DNTT: variants seen among roughly 807,000 people sequenced by gnomAD.
The protein encoded by DNTT is nucleosidetriphosphate:DNA deoxynucleotidylexotransferase.
DNTT carries 47 observed loss-of-function variants against 60.9 expected under a neutral mutation model. That is an observed-to-expected ratio of 0.77 (90% confidence interval 0.61 to 0.98). DNTT has a LOEUF of 0.98. Ranked by LOEUF, DNTT falls within the 50% of genes least tolerant of loss-of-function variation. The probability of loss-of-function intolerance (pLI) is 0.00; values close to 1 mark genes in which losing one functional copy is unlikely to be tolerated. For synonymous variants in DNTT, 224 were observed against 221.2 expected, an observed-to-expected ratio of 1.01 and a Z score of -0.11; for missense variants, 665 against 627.5, an observed-to-expected ratio of 1.06 and a Z score of -0.64.
intron 10 of DNTT, 95 bp downstream of exon 10, chr10:96,336,069 G>C: frequency 8.2e-7 from 1 of 1,220,654 alleles, no homozygotes; most frequent in Non-Finnish European, 1.2e-6. Context: ...ATCCAGGTAT[G>C]GTTTCCTTTG....
At position 96,319,319 on chromosome 10, in the gene DNTT, G is replaced by T; in HGVS notation, c.436G>T (p.Ala146Ser). The T allele has an allele frequency of 6.2e-7, 1 of 1,613,880 alleles. No homozygotes were observed. The highest frequency in any genetic ancestry group is 1.7e-5 in the Admixed American group (1 of 59,996). ...AGGCCCCCCGAAGACTCCACCAATT[G>T]CTGTACAAAAGATCTCCCAGTATGC... ...NPGPPKTPPI[A>S]VQKISQYACQ... is the part of the protein sequence containing the mutation. Residue 146 changes from alanine to serine, a missense_variant, in exon 3 of 11, where the codon GCT (alanine) becomes TCT (serine). Coordinates refer to ENST00000371174, the MANE Select transcript of DNTT (RefSeq NM_004088.4).
chr10:96,335,747 T>C (rs1363435211), intron 9 of DNTT, 144 bp from the exon 10 acceptor site: 1 of 859,550 alleles, frequency 1.2e-6, no homozygotes, highest in Non-Finnish European at 1.9e-6. Flanking sequence ...CGGACTTCTG[T>C]CACCAGAGAA....
At chr10:96,334,696 T>TAA (rs1341171312) in intron 9 of DNTT, among the ~76,000 whole-genome samples, 1 of 151,940 alleles carries the variant, frequency 6.6e-6, no homozygotes, top group Non-Finnish European at 1.5e-5. Context: ...TTTTCATTCC[T>TAA]AAAAAAAGGG....
rs1232223995 is a variant in DNTT at position 96,328,655 on chromosome 10, A to G, written c.1008-70A>G. 3.3e-6 allele frequency: 5 copies of G among 1,500,086 alleles called. No homozygotes were observed. The Admixed American group carries it at 5.6e-5, about 17-fold the overall frequency. The allele number at this position is 1,500,086 out of a possible 1,614,324, so 92.9% of individuals were successfully genotyped here. A position where few individuals can be genotyped will look rare whatever the true frequency, so the allele number is the denominator to read the frequency against. Reference sequence around the variant, plus strand: ...AATCTTAAGCATAGGGCATAGAAACAAAGGTGATTTTTTAAAAATGAAGAC... The same window carrying G: ...AATCTTAAGCATAGGGCATAGAAACGAAGGTGATTTTTTAAAAATGAAGAC... On this transcript the variant is annotated intron_variant, in intron 7 of 10. Transcript: ENST00000371174.
At position 96,307,357 on chromosome 10, in the gene DNTT, T is replaced by G. The variant is rs1298777134; in HGVS notation, c.203+2657T>G. Among the ~76,000 whole-genome samples, 234 of 131,860 alleles carry G rather than the reference T, an allele frequency of 1.8e-3. 4 individuals are homozygous for G. The highest frequency in any genetic ancestry group is 0.017 in the South Asian group (67 of 3,902). 86.5% of individuals were successfully genotyped at this position (131,860 alleles called of 152,430 possible). Reference sequence around the variant, plus strand: ...TGGGTTTTCCAGTTTTTTTTTTTTTTTTTTTTTTTTTTTTTTTGAGACGGA... The same window carrying G: ...TGGGTTTTCCAGTTTTTTTTTTTTTGTTTTTTTTTTTTTTTTTGAGACGGA... On this transcript the variant is annotated intron_variant, in intron 1 of 10. Transcript: ENST00000371174.
At chr10:96,314,894 A>T (rs1489809253) in intron 1 of DNTT, among the ~76,000 whole-genome samples, 2 of 152,160 alleles carry the variant, frequency 1.3e-5, no homozygotes, top group Non-Finnish European at 2.9e-5. Flanking sequence ...CAGCAAATAG[A>T]CAAACAGCTG....
chr10:96,329,749 G>C (rs1393835265), intron 8 of DNTT, among the ~76,000 whole-genome samples: 1 of 152,166 alleles, frequency 6.6e-6, no homozygotes, highest in Non-Finnish European at 1.5e-5. Context: ...GAAGGAGTTG[G>C]AGGGAATTAG....
At chr10:96,319,020 A>G (rs1415534857) in intron 2 of DNTT, among the ~76,000 whole-genome samples, 1 of 152,236 alleles carries the variant, frequency 6.6e-6, no homozygotes, top group Non-Finnish European at 1.5e-5. Flanking sequence ...CCATAACTAC[A>G]GAAGTTCATA....
rs905840684 is a variant in DNTT, at chr10:96,314,476, A to C, written c.204-3876A>C. ...CGCCCAGGCTGGAGTGTAGTGGCAC[A>C]ATCTCAACTCACTGCAACCTCCGCC... is the stretch of plus-strand genomic sequence containing the variant. On this transcript the variant is annotated intron_variant, in intron 1 of 10. Transcript: ENST00000371174. 1.1e-4 allele frequency among the ~76,000 whole-genome samples: 14 copies of C among 128,756 alleles called. No individual in the cohort carries two copies. In the Admixed American group the frequency reaches 1.4e-3, roughly 12 times the overall value. 84.5% of individuals were successfully genotyped at this position (128,756 alleles called of 152,430 possible).
At chr10:96,319,518 T>G in intron 3 of DNTT, 128 bp downstream of exon 3, 1 of 1,295,242 alleles carries the variant, frequency 7.7e-7, no homozygotes, top group Non-Finnish European at 1.1e-6. Flanking sequence ...CCTGCAGCCC[T>G]AGCCTGATCT....
intron 4 of DNTT, among the ~76,000 whole-genome samples, chr10:96,321,092 A>C (rs1419870908): frequency 6.6e-6 from 1 of 152,096 alleles, no homozygotes; most frequent in Non-Finnish European, 1.5e-5. Context: ...CCGATAGTGA[A>C]TCCGTTCGGG....
chr10:96,305,805 T>C (rs973544441), intron 1 of DNTT, among the ~76,000 whole-genome samples: 5 of 152,232 alleles, frequency 3.3e-5, no homozygotes, highest in African/African-American at 1.2e-4. Flanking sequence ...CTGATTCATA[T>C]GACATTGACT....
At chr10:96,317,907 T>A (rs1844807281) in intron 1 of DNTT, among the ~76,000 whole-genome samples, 1 of 152,226 alleles carries the variant, frequency 6.6e-6, no homozygotes, top group African/African-American at 2.4e-5. Context: ...CTGTACCTAT[T>A]TCTATGTCTA....
intron 1 of DNTT, among the ~76,000 whole-genome samples, chr10:96,307,703 GTGTATATATATATATATATA>G (rs1380906189): frequency 2.8e-5 from 1 of 35,288 alleles, no homozygotes; most frequent in African/African-American, 8.7e-5. Flanking sequence ...GTGTGTGTGT[GTGTATATATATATATATATA>G]TATATATATA....
chr10:96,308,055 T>C (rs137926474), intron 1 of DNTT, among the ~76,000 whole-genome samples: 36 of 152,254 alleles, frequency 2.4e-4, no homozygotes, highest in Non-Finnish European at 3.2e-4. Context: ...AATAAGCATG[T>C]ACTTTAAAAA....
Position 96,320,722 on chromosome 10 carries a change from A to G in DNTT, c.612A>G (p.Thr204=), listed in dbSNP as rs1564871911. The G allele has an allele frequency of 1.2e-6, 2 of 1,613,876 alleles. No homozygotes were observed. Among genetic ancestry groups the G allele is most frequent in the Non-Finnish European group, 1.7e-6 (2 of 1,179,806 alleles). The change falls in exon 4 of 11, where the codon ACA becomes ACG. Residue 204 remains threonine (T), a synonymous_variant. Coordinates refer to ENST00000371174, the MANE Select transcript of DNTT (RefSeq NM_004088.4). ...CTGTATTGAAATCTCTGCCATTCACAATCATCAGTATGAAGGACACAGAAG... is the reference window on the plus strand; with the variant it reads ...CTGTATTGAAATCTCTGCCATTCACGATCATCAGTATGAAGGACACAGAAG... The part of the protein sequence containing the change: ...AASVLKSLPF[T]IISMKDTEGI...
intron 6 of DNTT, among the ~76,000 whole-genome samples, chr10:96,326,072 A>G (rs74153637): frequency 2.0e-3 from 312 of 152,366 alleles, no homozygotes; most frequent in African/African-American, 7.1e-3. Context: ...ACAAATCATC[A>G]TAGTCTTACA....
At chr10:96,316,124 G>C (rs1844782507) in intron 1 of DNTT, among the ~76,000 whole-genome samples, 1 of 152,078 alleles carries the variant, frequency 6.6e-6, no homozygotes, top group Non-Finnish European at 1.5e-5. Flanking sequence ...ATAAACTTCA[G>C]TTCCACCGCT....
chr10:96,307,343 G>GTTGTTTTTTTTTTTTTTTTTT (rs1844650391), intron 1 of DNTT, among the ~76,000 whole-genome samples: 1 of 67,606 alleles, frequency 1.5e-5, no homozygotes, highest in African/African-American at 6.4e-5. Flanking sequence ...GGGTTTTCCA[G>GTTGTTTTTTTTTTTTTTTTTT]TTTTTTTTTT....
Sources: gnomAD v4.1 joint callset for allele counts (sites outside exome capture counted in the v4.1 genomes callset) on GRCh38, gnomAD v4.1.1 for gene constraint, MANE v1.5 for transcripts, NCBI Gene and HGNC (gene_info 2026-07-23, HGNC 2026-07-21) for gene names.